The following FGD1 variants were observed in gnomAD, a reference collection of about 807,000 sequenced individuals.
The protein encoded by FGD1 is FYVE, RhoGEF and PH domain containing 1.
In FGD1, 12 loss-of-function variants were observed where a neutral mutation model predicts 65.0. The ratio of observed to expected loss-of-function variants is 0.18; its 90% CI spans 0.12 to 0.30. The LOEUF (loss-of-function observed/expected upper bound fraction) is 0.30. Ranked by LOEUF, FGD1 falls within the 10% of genes least tolerant of loss-of-function variation. The pLI, the probability that FGD1 is intolerant of heterozygous loss-of-function variation, is 1.00. For missense variants in FGD1, 542 were observed against 837.6 expected (o/e 0.65, Z 4.36); for synonymous variants, 333 against 343.9 (o/e 0.97, Z 0.35).
rs756586058 is a variant in FGD1 at position 54,470,714 on chromosome X, TGG to T, written c.526_527del (p.Pro176ThrfsTer40). ...SYLQMPRMPP[P>X]LEPIPPPPSR... ...ATGGTGGAGGGGGGATGGGCTCCAG[TGG>T]GGGGGGCATCCGGGGCATCTGCAGG... On this transcript the variant is annotated frameshift_variant, in exon 3 of 18. Coordinates refer to ENST00000375135, the MANE Select transcript of FGD1 (RefSeq NM_004463.3). LOFTEE classifies it high-confidence loss of function. 1.6e-5 allele frequency: 3 copies of T among 187,688 alleles called. No homozygotes were observed. The highest frequency in any genetic ancestry group is 2.4e-5 in the Non-Finnish European group (3 of 122,998). 15.5% of individuals were successfully genotyped at this position (187,688 alleles called of 1,213,427 possible).
chrX:54,463,548 C>G (rs948865670), intron 8 of FGD1, among the ~76,000 whole-genome samples: 2 of 111,927 alleles, frequency 1.8e-5, no homozygotes, highest in Non-Finnish European at 3.8e-5. Flanking sequence ...TAATCATGAT[C>G]GAAACCTTCC....
chrX:54,482,874 G>GGGGCA (rs1269611391), intron 1 of FGD1, among the ~76,000 whole-genome samples: 1 of 111,832 alleles, frequency 8.9e-6, no homozygotes, highest in African/African-American at 3.3e-5. Context: ...CCCAGGCAGA[G>GGGGCA]GGGCAGGAAC....
chrX:54,466,086 G>A (rs1421116086), intron 6 of FGD1, among the ~76,000 whole-genome samples: 1 of 111,927 alleles, frequency 8.9e-6, no homozygotes, highest in Admixed American at 9.5e-5. Context: ...TGCCCTGCCC[G>A]AGTACTGGTT....
rs374192869 is a variant in FGD1, at chrX:54,449,124, C to T, written c.2274+19G>A. Reference sequence around the variant, plus strand: ...ATTCTGTCCCCTCCCTAGCTCTGCCCCTGCCTCCCAACACTCACATGCCCG... The same window carrying T: ...ATTCTGTCCCCTCCCTAGCTCTGCCTCTGCCTCCCAACACTCACATGCCCG... On this transcript the variant is annotated intron_variant, in intron 15 of 17. Transcript: ENST00000375135. 1 of 1,212,147 alleles carries T rather than the reference C, an allele frequency of 8.2e-7. No homozygotes were observed. Among genetic ancestry groups the T allele is most frequent in the Admixed American group, 2.2e-5 (1 of 46,108 alleles).
chrX:54,453,334 A>G (rs957799729), intron 12 of FGD1, among the ~76,000 whole-genome samples: 1 of 111,724 alleles, frequency 9.0e-6, no homozygotes, highest in African/African-American at 3.3e-5. Flanking sequence ...TTGCAGTCCC[A>G]GCCAGTCATT....
At position 54,454,361 on chromosome X, in the gene FGD1, A is replaced by G. The variant is rs754142079; in HGVS notation, c.2015+1087T>C. On this transcript the variant is annotated intron_variant, in intron 12 of 17. Coordinates refer to ENST00000375135, the MANE Select transcript of FGD1 (RefSeq NM_004463.3). ...AAACATATCTAAACCTAGAAAAGGT[A>G]TAGTAAAGACAGGCGTAGTGACTCA... Among the ~76,000 whole-genome samples, 11 of 112,263 alleles carry G rather than the reference A, an allele frequency of 9.8e-5. No homozygotes were observed. The South Asian group carries it at 3.3e-3, about 34-fold the overall frequency.
chrX:54,461,462 G>A (rs1486675083), intron 8 of FGD1, among the ~76,000 whole-genome samples: 6 of 107,074 alleles, frequency 5.6e-5, no homozygotes, highest in Non-Finnish European at 1.2e-4. Flanking sequence ...TTAGCCGGGC[G>A]CGGTGGTGGG....
chrX:54,450,906 G>A (rs1922359464), intron 12 of FGD1, among the ~76,000 whole-genome samples: 1 of 109,927 alleles, frequency 9.1e-6, no homozygotes, highest in African/African-American at 3.3e-5. Context: ...AAAATTAGCC[G>A]GGCGTGATGG....
At chrX:54,489,307 C>T (rs918476986) in intron 1 of FGD1, among the ~76,000 whole-genome samples, 1 of 112,563 alleles carries the variant, frequency 8.9e-6, no homozygotes, top group Non-Finnish European at 1.9e-5. Flanking sequence ...ATCAGCCAGG[C>T]GTGGTGGCTC....
At chrX:54,479,479 T>C (rs1361259322) in intron 1 of FGD1, among the ~76,000 whole-genome samples, 3 of 111,083 alleles carry the variant, frequency 2.7e-5, no homozygotes, top group African/African-American at 9.8e-5. Context: ...GAAGGATAGC[T>C]CTGCAGAGAT....
intron 8 of FGD1, among the ~76,000 whole-genome samples, chrX:54,462,109 G>T (rs770369026): frequency 2.0e-3 from 218 of 111,363 alleles, no homozygotes; most frequent in African/African-American, 6.3e-3. Flanking sequence ...GTTCAGTTTG[G>T]AGATGTCAGT....
At chrX:54,455,594 CAT>C (rs1171687613) in intron 11 of FGD1, 67 bp from the exon 12 acceptor site, 1 of 1,079,703 alleles carries the variant, frequency 9.3e-7, no homozygotes, top group East Asian at 3.0e-5. Context: ...CCTCTGCACA[CAT>C]ACACACACAG....
chrX:54,446,391 C>A lies in FGD1; in HGVS notation c.2604G>T (p.Leu868=). ...GTCCCACCTCGAAGCCAATGAGGGG[C>A]AGGCTGCGCTGGGCTTTCACATCCT... ...APQDVKAQRS[L]PLIGFEVGPP... is the part of the protein sequence containing the mutation. The change falls in exon 18 of 18, where the codon CTG becomes CTT. Residue 868 remains leucine (L), a synonymous_variant. Coordinates refer to ENST00000375135, the MANE Select transcript of FGD1 (RefSeq NM_004463.3). The A allele has an allele frequency of 8.3e-7, 1 of 1,210,252 alleles. No individual in the cohort carries two copies. Among genetic ancestry groups the A allele is most frequent in the Non-Finnish European group, 1.1e-6 (1 of 894,828 alleles).
chrX:54,492,026 T>G (rs929570472), intron 1 of FGD1, among the ~76,000 whole-genome samples: 14 of 110,427 alleles, frequency 1.3e-4, no homozygotes, highest in Middle Eastern at 9.3e-3. Flanking sequence ...TGAAAGGACA[T>G]TCTAGGCCTC....
chrX:54,447,897 A>G (rs779172502), intron 16 of FGD1, among the ~76,000 whole-genome samples: 3 of 112,087 alleles, frequency 2.7e-5, no homozygotes, highest in African/African-American at 9.7e-5. Context: ...ATGAAAATGT[A>G]TTGACTTGGA....
chrX:54,490,112 T>C (rs185739727), intron 1 of FGD1, among the ~76,000 whole-genome samples: 139 of 111,993 alleles, frequency 1.2e-3, no homozygotes, highest in Admixed American at 3.0e-3. Context: ...TGTTCTCACT[T>C]ATAAATGGGA....
chrX:54,446,286 A>G lies in FGD1; in HGVS notation c.2709T>C (p.Pro903=). 2.5e-6 allele frequency: 3 copies of G among 1,211,774 alleles called. No individual in the cohort carries two copies. Among genetic ancestry groups the G allele is most frequent in the Non-Finnish European group, 3.4e-6 (3 of 895,420 alleles). Residue 903 remains proline, a synonymous_variant, in exon 18 of 18, where the codon CCT becomes CCC. Coordinates refer to ENST00000375135, the MANE Select transcript of FGD1 (RefSeq NM_004463.3). ...TQSHLSWYFS[P]ETEELQRRWM... is the part of the protein sequence containing the mutation. ...AGCGTCGCTGTAGTTCCTCTGTCTC[A>G]GGGCTGAAGTACCAGCTGAGGTGGC...
intron 1 of FGD1, among the ~76,000 whole-genome samples, chrX:54,485,397 C>A (rs1328464089): frequency 1.8e-5 from 2 of 111,986 alleles, no homozygotes; most frequent in Non-Finnish European, 3.8e-5. Flanking sequence ...AGTACTCCTC[C>A]CTCAATACTT....
At chrX:54,451,438 C>T (rs751118662) in intron 12 of FGD1, among the ~76,000 whole-genome samples, 6 of 108,758 alleles carry the variant, frequency 5.5e-5, no homozygotes, top group South Asian at 8.4e-4. Context: ...GTGTGTGCCA[C>T]CATGCCTGGC....
Sources: gnomAD v4.1 joint callset for allele counts (sites outside exome capture counted in the v4.1 genomes callset) on GRCh38, gnomAD v4.1.1 for gene constraint, MANE v1.5 for transcripts, NCBI Gene and HGNC (gene_info 2026-07-23, HGNC 2026-07-21) for gene names.